Variants in ZNF395 observed in about 807,000 individuals in gnomAD.
The protein encoded by ZNF395 is HD gene regulatory region-binding protein 2.
In ZNF395, 20 loss-of-function variants were observed where a neutral mutation model predicts 57.7. That is an observed-to-expected ratio of 0.35 (90% CI 0.24 to 0.50). The LOEUF (loss-of-function observed/expected upper bound fraction) is 0.50, where lower values mean the gene tolerates loss of function less well. Ranked by LOEUF, ZNF395 falls within the 20% of genes least tolerant of loss-of-function variation. The probability of loss-of-function intolerance (pLI) is 0.97; values close to 1 mark genes in which losing one functional copy is unlikely to be tolerated. For missense variants in ZNF395, 606 were observed against 671.2 expected (o/e 0.90, Z 1.07); for synonymous variants, 295 against 275.9 (o/e 1.07, Z -0.69).
In ZNF395 at chr8:28,348,427, G is replaced by A. The variant is rs891694159; in HGVS notation, c.*292C>T. On this transcript the variant is annotated 3_prime_UTR_variant, in exon 10 of 10. Coordinates refer to ENST00000344423, the MANE Select transcript of ZNF395 (RefSeq NM_018660.3). The stretch of plus-strand genomic sequence containing the variant: ...TAATCCCCTAGAGAGTGGGGATGTG[G>A]GAAACGGAGGGTAATTAATTCTTTG... 7.6e-6 allele frequency: 3 copies of A among 394,272 alleles called. No homozygotes were observed. Among genetic ancestry groups the A allele is most frequent in the Non-Finnish European group, 4.8e-6 (1 of 208,318 alleles). 24.4% of individuals were successfully genotyped at this position (394,272 alleles called of 1,614,324 possible).
At chr8:28,365,436 C>T (rs1801899594) in intron 1 of ZNF395, 3 of 152,256 alleles carry the variant, frequency 2.0e-5, no homozygotes, top group African/African-American at 4.8e-5. Context: ...CTGGTAAGTT[C>T]TTTCTTGGGA....
rs1303723838 is a variant in ZNF395, at chr8:28,348,958, G to T, written c.1431-128C>A. The T allele has an allele frequency of 8.2e-5, 97 of 1,184,320 alleles. No individual in the cohort carries two copies. In the East Asian group the frequency reaches 2.2e-3, roughly 27 times the overall value. The allele number at this position is 1,184,320 out of a possible 1,614,324, so 73.4% of individuals were successfully genotyped here. A position where few individuals can be genotyped will look rare whatever the true frequency, so the allele number is the denominator to read the frequency against. On this transcript the variant is annotated intron_variant, in intron 9 of 9. Transcript: ENST00000344423. ...CCCGGCAAAAGTCACCAGGACCAGG[G>T]GCCAGAGGCTCTGAGGACCAAACAG...
In ZNF395 at chr8:28,352,681, A is replaced by G; in HGVS notation, c.820-8T>C. ...CATCACCTTCACAGAGTTCTACAGGAAAGGAAGACAGGGTGAGTGGATATG... is the reference window on the plus strand; with the variant it reads ...CATCACCTTCACAGAGTTCTACAGGGAAGGAAGACAGGGTGAGTGGATATG... On this transcript the variant is annotated splice_polypyrimidine_tract_variant and splice_region_variant and intron_variant, in intron 5 of 9. Coordinates refer to ENST00000344423, the MANE Select transcript of ZNF395 (RefSeq NM_018660.3). This position sits in a 1 kb window ranked among gnomAD's most constrained non-coding sequence, Gnocchi z 4.0. 1 of 1,612,162 alleles carries G rather than the reference A, an allele frequency of 6.2e-7. No individual in the cohort carries two copies. Among genetic ancestry groups the G allele is most frequent in the Non-Finnish European group, 8.5e-7 (1 of 1,178,224 alleles).
At chr8:28,353,752 A>G (rs1382236438) in intron 4 of ZNF395, among the ~76,000 whole-genome samples, 1 of 152,068 alleles carries the variant, frequency 6.6e-6, no homozygotes, top group East Asian at 1.9e-4. Context: ...TCAGCCTCCC[A>G]AAGTGCTGCC....
Position 28,350,018 on chromosome 8 carries a change from A to C in ZNF395, c.1326+46T>G, listed in dbSNP as rs755628794. On this transcript the variant is annotated intron_variant, in intron 8 of 9. Coordinates refer to ENST00000344423, the MANE Select transcript of ZNF395 (RefSeq NM_018660.3). ...CCTCCAGCCCTGGGATGTGTGGGAG[A>C]GCCCTCGGCCATACGAGGCCCCAGC... 3 of 1,498,592 alleles carry C rather than the reference A, an allele frequency of 2.0e-6. No homozygotes were observed. The African/African-American group carries it at 4.2e-5, about 21-fold the overall frequency. The allele number at this position is 1,498,592 out of a possible 1,614,324, so 92.8% of individuals were successfully genotyped here.
intron 1 of ZNF395, among the ~76,000 whole-genome samples, chr8:28,381,242 T>C (rs992593643): frequency 1.5e-4 from 23 of 151,670 alleles, no homozygotes; most frequent in South Asian, 4.2e-4. Context: ...GGGGTTTCAC[T>C]GCGTTAGCCA....
chr8:28,366,224 G>A (rs1801908784), intron 1 of ZNF395, among the ~76,000 whole-genome samples: 1 of 152,170 alleles, frequency 6.6e-6, no homozygotes, highest in East Asian at 1.9e-4. Context: ...CCTGCCAAGA[G>A]CTTCAGTTCT....
chr8:28,379,004 G>A (rs535983778), intron 1 of ZNF395, among the ~76,000 whole-genome samples: 1 of 152,290 alleles, frequency 6.6e-6, no homozygotes, highest in East Asian at 1.9e-4. Flanking sequence ...TACAGACAAG[G>A]AATCATGTAA....
chr8:28,362,298 G>C (rs543449157), intron 1 of ZNF395, among the ~76,000 whole-genome samples: 1 of 152,158 alleles, frequency 6.6e-6, no homozygotes, highest in Non-Finnish European at 1.5e-5. Context: ...AGAAGGGGAC[G>C]AGTCAGACCC....
rs769215038 is a variant in ZNF395 at position 28,350,165 on chromosome 8, G to A, written c.1234-9C>T. On this transcript the variant is annotated splice_polypyrimidine_tract_variant and intron_variant, in intron 7 of 9. Transcript: ENST00000344423. ...TGGAAGGATGGCAGAGCCTGCGGAA[G>A]ACGAGGGTGTCAGCCCGGATTCTAG... 20 of 1,597,892 alleles carry A rather than the reference G, an allele frequency of 1.3e-5. No individual in the cohort carries two copies. In the South Asian group the frequency reaches 2.3e-4, roughly 18 times the overall value.
At chr8:28,360,433 G>T (rs541190908) in intron 2 of ZNF395, among the ~76,000 whole-genome samples, 3 of 152,338 alleles carry the variant, frequency 2.0e-5, no homozygotes, top group Admixed American at 1.3e-4. Flanking sequence ...CACAGGGGCA[G>T]GGATGCTGGA....
intron 1 of ZNF395, among the ~76,000 whole-genome samples, chr8:28,379,845 A>C (rs1802088366): frequency 6.6e-6 from 1 of 150,560 alleles, no homozygotes; most frequent in African/African-American, 2.4e-5. Context: ...CAAACGTTAA[A>C]AAAAAAAAAA....
At position 28,346,249 on chromosome 8, in the gene ZNF395, G is replaced by A. The variant is rs575641955; in HGVS notation, c.*2470C>T. 2.6e-5 allele frequency: 4 copies of A among 152,322 alleles called. No individual in the cohort carries two copies. In the South Asian group the frequency reaches 8.3e-4, roughly 32 times the overall value. The allele number at this position is 152,322 out of a possible 1,614,324, so 9.4% of individuals were successfully genotyped here. A position where few individuals can be genotyped will look rare whatever the true frequency, so the allele number is the denominator to read the frequency against. ...CACCTACGGCACCTTCCTTCCATCA[G>A]AGTCTGCTGCCCGGGTGGGCTGGGA... On this transcript the variant is annotated 3_prime_UTR_variant, in exon 10 of 10. Transcript: ENST00000344423.
In ZNF395 at chr8:28,347,784, A is replaced by G. The variant is rs189088693; in HGVS notation, c.*935T>C. ...ACCCAAATAAAAGAAAACTTTAATC[A>G]GTAAAGGCTTCTGAATACATCGTAA... On this transcript the variant is annotated 3_prime_UTR_variant, in exon 10 of 10. Coordinates refer to ENST00000344423, the MANE Select transcript of ZNF395 (RefSeq NM_018660.3). 1.3e-5 allele frequency: 2 copies of G among 152,370 alleles called. No homozygotes were observed. Among genetic ancestry groups the G allele is most frequent in the East Asian group, 1.9e-4 (1 of 5,184 alleles). 9.4% of individuals were successfully genotyped at this position (152,370 alleles called of 1,614,324 possible).
intron 4 of ZNF395, among the ~76,000 whole-genome samples, chr8:28,354,585 C>T (rs1801757273): frequency 6.6e-6 from 1 of 152,164 alleles, no homozygotes. Flanking sequence ...AGTCCAGGCT[C>T]TCCTTACATC....
At chr8:28,382,744 T>C (rs1038065641) in intron 1 of ZNF395, among the ~76,000 whole-genome samples, 20 of 152,352 alleles carry the variant, frequency 1.3e-4, no homozygotes, top group African/African-American at 4.6e-4. Context: ...AGTACTACAG[T>C]AGCTCTTCAA....
At chr8:28,382,996 TTTC>T (rs1384198773) in intron 1 of ZNF395, among the ~76,000 whole-genome samples, 3 of 152,234 alleles carry the variant, frequency 2.0e-5, no homozygotes, top group African/African-American at 7.2e-5. Context: ...GTAAATTTCA[TTTC>T]TTAATGTAAG....
chr8:28,371,040 C>A (rs1175237156), intron 1 of ZNF395, among the ~76,000 whole-genome samples: 1 of 152,210 alleles, frequency 6.6e-6, no homozygotes, highest in East Asian at 1.9e-4. Flanking sequence ...CCACAAATAA[C>A]CCATGAGATT....
At chr8:28,385,633 G>A (rs1271751173) in intron 1 of ZNF395, among the ~76,000 whole-genome samples, 1 of 149,020 alleles carries the variant, frequency 6.7e-6, no homozygotes, top group African/African-American at 2.4e-5. Context: ...AAACGCGCGG[G>A]GCGCGGGAGG....
Sources: allele counts gnomAD v4.1 joint callset (sites outside exome capture counted in the v4.1 genomes callset), GRCh38; gene constraint gnomAD v4.1.1; non-coding constraint Gnocchi (gnomAD v3.1); transcripts MANE v1.5; gene names NCBI Gene and HGNC (gene_info 2026-07-23, HGNC 2026-07-21).